PSAP: variants seen among roughly 807,000 people sequenced by gnomAD.
The protein encoded by PSAP is prosaposin.
Under a neutral mutation model 66.0 loss-of-function variants are expected in PSAP, and 25 were observed. The ratio of observed to expected loss-of-function variants is 0.38; its 90% confidence interval spans 0.28 to 0.53. The LOEUF is 0.53. Among genes scored for constraint, PSAP ranks in the 20% least tolerant of loss-of-function variants. The probability of loss-of-function intolerance (pLI) is 0.83; values close to 1 mark genes in which losing one functional copy is unlikely to be tolerated. For synonymous variants in PSAP, 273 were observed against 258.9 expected (o/e 1.05, Z -0.52); for missense variants, 649 against 668.8 (o/e 0.97, Z 0.33).
At chr10:71,822,623 C>A (rs1334785918) in intron 7 of PSAP, 6 of 472,122 alleles carry the variant, frequency 1.3e-5, no homozygotes, top group Non-Finnish European at 2.6e-5. Flanking sequence ...ACCATTTAGA[C>A]ACCAAACACA....
intron 8 of PSAP, among the ~76,000 whole-genome samples, chr10:71,821,319 C>A (rs9416009): frequency 0.39 from 59,735 of 152,210 alleles, 12,333 homozygotes; most frequent in South Asian, 0.5. Flanking sequence ...GGCACAATGA[C>A]ATCATCTGTT....
At chr10:71,825,947 C>T (rs1445723277) in intron 6 of PSAP, 54 bp from the exon 7 acceptor site, 14 of 1,503,988 alleles carry the variant, frequency 9.3e-6, no homozygotes, top group Non-Finnish European at 1.2e-5. Flanking sequence ...TGCACCAAAA[C>T]CCAACCAACA....
chr10:71,847,222 A>G (rs1842839688), intron 1 of PSAP, among the ~76,000 whole-genome samples: 2 of 152,120 alleles, frequency 1.3e-5, no homozygotes, highest in Admixed American at 1.3e-4. Flanking sequence ...TGGGAGGCCG[A>G]GGCAGGCGGA....
At chr10:71,832,487 T>C (rs1223400731) in intron 2 of PSAP, among the ~76,000 whole-genome samples, 5 of 152,206 alleles carry the variant, frequency 3.3e-5, no homozygotes, top group Non-Finnish European at 4.4e-5. Flanking sequence ...GGCTCCCTTC[T>C]TGATGTCAAC....
chr10:71,846,197 C>T (rs767526375), intron 1 of PSAP, among the ~76,000 whole-genome samples: 11 of 152,120 alleles, frequency 7.2e-5, no homozygotes, highest in Non-Finnish European at 1.2e-4. Flanking sequence ...TGATGAAATA[C>T]GGGAGAGTTT....
chr10:71,819,893 ATTTC>A lies in PSAP; in HGVS notation c.1009_1012del (p.Glu337TyrfsTer59). 6.2e-7 allele frequency: 1 copy of A among 1,613,938 alleles called. No homozygotes were observed. The highest frequency in any genetic ancestry group is 2.2e-5 in the East Asian group (1 of 44,880). On this transcript the variant is annotated frameshift_variant, in exon 10 of 14. Coordinates refer to ENST00000394936, the MANE Select transcript of PSAP (RefSeq NM_002778.4). LOFTEE classifies it high-confidence loss of function. ...GCACATTTTGTCAAAAGCGTCGAGT[ATTTC>A]TTTCTGAAACACACGAGAGGATCGT...
intron 8 of PSAP, 111 bp from the exon 9 acceptor site, chr10:71,820,446 G>A: frequency 2.4e-6 from 2 of 829,762 alleles, no homozygotes; most frequent in South Asian, 2.7e-5. Flanking sequence ...GCACATCAAG[G>A]GCCACTGCCT....
chr10:71,827,941 C>A (rs141634922), intron 6 of PSAP, 73 bp downstream of exon 6: 1 of 1,587,382 alleles, frequency 6.3e-7, no homozygotes, highest in East Asian at 2.3e-5. Context: ...GTTGTCTGAA[C>A]GCCCTACTCC....
At chr10:71,821,845 C>G in intron 8 of PSAP, 31 bp downstream of exon 8, 1 of 1,614,048 alleles carries the variant, frequency 6.2e-7, no homozygotes, top group Non-Finnish European at 8.5e-7. Flanking sequence ...ATTGCACAGC[C>G]CTGACCAGGA....
Position 71,816,485 on chromosome 10 carries a change from C to A in PSAP, c.*956G>T. ...CTTCCAACCCCCACACCCCAGCATC[C>A]AATCCACACCCAGCAGACCCTTCGG... is the stretch of plus-strand genomic sequence containing the variant. On this transcript the variant is annotated 3_prime_UTR_variant, in exon 14 of 14. Transcript: ENST00000394936. 2.1e-6 allele frequency: 1 copy of A among 471,078 alleles called. No homozygotes were observed. Among genetic ancestry groups the A allele is most frequent in the Non-Finnish European group, 4.4e-6 (1 of 226,842 alleles). The allele number at this position is 471,078 out of a possible 1,614,324, so 29.2% of individuals were successfully genotyped here. A position where few individuals can be genotyped will look rare whatever the true frequency, so the allele number is the denominator to read the frequency against.
chr10:71,825,921 CA>C (rs1342519440), intron 6 of PSAP, 28 bp from the exon 7 acceptor site: 1 of 1,595,138 alleles, frequency 6.3e-7, no homozygotes, highest in Admixed American at 1.7e-5. Context: ...GATTGCTAAA[CA>C]AATCACTGCA....
intron 1 of PSAP, among the ~76,000 whole-genome samples, chr10:71,837,273 T>C (rs1842643371): frequency 6.6e-6 from 1 of 152,160 alleles, no homozygotes; most frequent in Non-Finnish European, 1.5e-5. Flanking sequence ...ATGAACGACA[T>C]GATGACATAC....
At chr10:71,838,712 C>T (rs1473140767) in intron 1 of PSAP, among the ~76,000 whole-genome samples, 1 of 152,090 alleles carries the variant, frequency 6.6e-6, no homozygotes, top group East Asian at 1.9e-4. Flanking sequence ...AGTGCCCCAG[C>T]ACCACTGCAC....
chr10:71,828,096 C>A lies in PSAP; in HGVS notation c.638G>T (p.Arg213Leu). 1.2e-6 allele frequency: 2 copies of A among 1,614,102 alleles called. No homozygotes were observed. The stretch of plus-strand genomic sequence containing the variant: ...GGCCTGGACAAAGGTGGAGTTGGTC[C>A]GTACAGCAGTCTGGATGTCAGTCAC... The part of the protein sequence containing the change: ...QMVTDIQTAV[R>L]TNSTFVQALV... The change falls in exon 6 of 14, where the codon CGG becomes CTG. Residue 213 changes from arginine (R) to leucine (L), a missense_variant. Coordinates refer to ENST00000394936, the MANE Select transcript of PSAP (RefSeq NM_002778.4).
intron 8 of PSAP, 42 bp from the exon 9 acceptor site, chr10:71,820,377 TCA>T (rs1842276362): frequency 6.5e-7 from 1 of 1,542,910 alleles, no homozygotes; most frequent in South Asian, 1.1e-5. Flanking sequence ...ATGCTGGGAC[TCA>T]CAGCCCTTGG....
Position 71,831,219 on chromosome 10 carries a change from A to C in PSAP, c.282T>G (p.Cys94Trp). The change falls in exon 4 of 14, where the codon TGT becomes TGG. Residue 94 changes from cysteine to tryptophan, a missense_variant. Cys to Trp is a radical substitution (Grantham distance 215). Transcript: ENST00000394936. ...EEILVYLEKT[C>W]DWLPKPNMSA... ...ACATGTTCGGTTTCGGAAGCCAGTC[A>C]CAGGTCTTCTCCAAGTAAACAAGGA... 1 of 1,614,116 alleles carries C rather than the reference A, an allele frequency of 6.2e-7. No homozygotes were observed. Among genetic ancestry groups the C allele is most frequent in the Non-Finnish European group, 8.5e-7 (1 of 1,179,992 alleles).
In PSAP at chr10:71,818,611, AC is replaced by A. The variant is rs1564814341; in HGVS notation, c.1539+5del. 6.2e-7 allele frequency: 1 copy of A among 1,611,980 alleles called. No individual in the cohort carries two copies. The highest frequency in any genetic ancestry group is 8.5e-7 in the Non-Finnish European group (1 of 1,178,888). ...GGCTGGTGACACTGTCTGCTGAGCTACTCACATTGCACTGGGCTGCTGTCTC... is the reference window on the plus strand; with the variant it reads ...GGCTGGTGACACTGTCTGCTGAGCTATCACATTGCACTGGGCTGCTGTCTC... On this transcript the variant is annotated splice_donor_5th_base_variant and intron_variant, in intron 13 of 13. Coordinates refer to ENST00000394936, the MANE Select transcript of PSAP (RefSeq NM_002778.4).
chr10:71,830,695 A>G (rs988290214), intron 4 of PSAP, among the ~76,000 whole-genome samples: 1 of 152,246 alleles, frequency 6.6e-6, no homozygotes, highest in African/African-American at 2.4e-5. Flanking sequence ...TCTGTGACAC[A>G]GGGTTTGTGT....
At chr10:71,840,029 C>T (rs1441280184) in intron 1 of PSAP, among the ~76,000 whole-genome samples, 2 of 152,322 alleles carry the variant, frequency 1.3e-5, no homozygotes, top group South Asian at 2.1e-4. Context: ...ACAACATAAT[C>T]ACCAAAGATT....
Sources: allele counts gnomAD v4.1 joint callset (sites outside exome capture counted in the v4.1 genomes callset), GRCh38; gene constraint gnomAD v4.1.1; transcripts MANE v1.5; gene names NCBI Gene and HGNC (gene_info 2026-07-23, HGNC 2026-07-21).